The following RRP12 variants were observed in gnomAD, a reference collection of about 807,000 sequenced individuals.
The protein encoded by RRP12 is ribosomal RNA processing 12 homolog.
A neutral mutation model predicts 157.3 loss-of-function variants in RRP12; 78 were observed. That is an observed-to-expected ratio of 0.50 (90% CI 0.41 to 0.60). The LOEUF (loss-of-function observed/expected upper bound fraction) is 0.60. Ranked by LOEUF, RRP12 falls within the 20% of genes least tolerant of loss-of-function variation. The pLI, the probability that RRP12 is intolerant of heterozygous loss-of-function variation, is 0.00. For synonymous variants in RRP12, 726 were observed against 670.9 expected, an observed-to-expected ratio of 1.08 and a Z score of -1.27; for missense variants, 1,521 against 1,679.9, an observed-to-expected ratio of 0.91 and a Z score of 1.65.
At position 97,390,732 on chromosome 10, in the gene RRP12, C is replaced by T; in HGVS notation, c.636+7G>A. ...GCCAGATGAGAAACTAAACCCCAGA[C>T]ACTAACCCATCGGAGGACAGAGGTG... On this transcript the variant is annotated splice_region_variant and intron_variant, in intron 5 of 33. Transcript: ENST00000370992. 1 of 1,593,696 alleles carries T rather than the reference C, an allele frequency of 6.3e-7. No individual in the cohort carries two copies. The highest frequency in any genetic ancestry group is 1.7e-4 in the Middle Eastern group (1 of 6,026).
intron 10 of RRP12, among the ~76,000 whole-genome samples, chr10:97,384,151 C>G (rs1164013986): frequency 6.6e-6 from 1 of 151,288 alleles, no homozygotes; most frequent in African/African-American, 2.4e-5. Context: ...CACCCCCAAC[C>G]TCAGCAGCCA....
chr10:97,379,566 T>C, intron 14 of RRP12, 62 bp downstream of exon 14: 1 of 1,601,120 alleles, frequency 6.2e-7, no homozygotes. Context: ...GCAGCAGACA[T>C]CCTTTCCAGG....
At chr10:97,397,234 A>G (rs1205887906) in intron 2 of RRP12, among the ~76,000 whole-genome samples, 1 of 151,342 alleles carries the variant, frequency 6.6e-6, no homozygotes, top group Non-Finnish European at 1.5e-5. Flanking sequence ...ACTCTCTGCT[A>G]ACCGCAGCTT....
chr10:97,393,280 T>C (rs1844859606), intron 4 of RRP12: 1 of 448,380 alleles, frequency 2.2e-6, no homozygotes, highest in Non-Finnish European at 4.5e-6. Context: ...GATTCTGTCA[T>C]GAACACACTG....
rs1843968122 is a variant in RRP12 at position 97,366,090 on chromosome 10, C to A, written c.3517+18G>T. On this transcript the variant is annotated intron_variant, in intron 29 of 33. Coordinates refer to ENST00000370992, the MANE Select transcript of RRP12 (RefSeq NM_015179.4). The stretch of plus-strand genomic sequence containing the variant: ...TAAGTGAACACGGTGAATGAATGGA[C>A]AAGCGCGTTGGGCCCACCTTTGGCA... The A allele has an allele frequency of 1.2e-6, 2 of 1,600,728 alleles. No individual in the cohort carries two copies. Among genetic ancestry groups the A allele is most frequent in the Admixed American group, 1.7e-5 (1 of 59,830 alleles).
intron 15 of RRP12, among the ~76,000 whole-genome samples, chr10:97,375,029 T>G (rs1000269205): frequency 6.6e-6 from 1 of 152,116 alleles, no homozygotes; most frequent in African/African-American, 2.4e-5. Flanking sequence ...ATATAAACCG[T>G]GTCTGTTCGA....
chr10:97,387,683 G>A (rs1844673593), intron 8 of RRP12, among the ~76,000 whole-genome samples: 1 of 151,682 alleles, frequency 6.6e-6, no homozygotes, highest in Admixed American at 6.6e-5. Context: ...GCTCACGCCT[G>A]TAATCCCAGA....
At chr10:97,361,587 G>A (rs1843842535) in intron 30 of RRP12, among the ~76,000 whole-genome samples, 1 of 152,218 alleles carries the variant, frequency 6.6e-6, no homozygotes, top group Admixed American at 6.5e-5. Flanking sequence ...CACAGGGTGT[G>A]CCTGGGAGAC....
chr10:97,399,271 C>T (rs192136656), intron 2 of RRP12, among the ~76,000 whole-genome samples: 1 of 152,168 alleles, frequency 6.6e-6, no homozygotes, highest in Non-Finnish European at 1.5e-5. Flanking sequence ...GAAACTCCGG[C>T]TCCAGAAAAA....
intron 33 of RRP12, 103 bp from the exon 34 acceptor site, chr10:97,357,299 G>A (rs1843736444): frequency 1.5e-6 from 1 of 682,782 alleles, no homozygotes. Context: ...GGATGAGAAG[G>A]GGGCCTCCAG....
At chr10:97,381,513 C>A (rs777477843) in intron 11 of RRP12, 30 bp from the exon 12 acceptor site, 3 of 1,546,736 alleles carry the variant, frequency 1.9e-6, no homozygotes, top group South Asian at 2.4e-5. Context: ...GCTTTCTGGG[C>A]CCAAGGCAGC....
Position 97,373,317 on chromosome 10 carries a change from T to C in RRP12, c.2027-117A>G, listed in dbSNP as rs891617494. On this transcript the variant is annotated intron_variant, in intron 17 of 33. Transcript: ENST00000370992. ...GGGAGCTGGCAGGACTTGGAATCCA[T>C]GGGTTTGGGGCTCTCTGTGGCAGAA... The C allele has an allele frequency of 2.0e-5, 23 of 1,167,426 alleles. 1 individual carries two copies. The highest frequency in any genetic ancestry group is 7.5e-5 in the Admixed American group (3 of 40,124). The allele number at this position is 1,167,426 out of a possible 1,614,324, so 72.3% of individuals were successfully genotyped here.
intron 30 of RRP12, among the ~76,000 whole-genome samples, chr10:97,361,276 T>C (rs1031416763): frequency 1.3e-5 from 2 of 152,210 alleles, no homozygotes; most frequent in African/African-American, 2.4e-5. Context: ...CCTGGCACTG[T>C]GTTAGGCAGT....
chr10:97,373,408 G>A (rs964954369), intron 17 of RRP12, among the ~76,000 whole-genome samples, 167 bp downstream of exon 17: 2 of 152,184 alleles, frequency 1.3e-5, no homozygotes, highest in Admixed American at 1.3e-4. Context: ...TCCAACCCCA[G>A]GGAGCCAGCA....
chr10:97,367,004 C>A (rs776327722), intron 26 of RRP12, 37 bp downstream of exon 26: 2 of 1,611,792 alleles, frequency 1.2e-6, no homozygotes, highest in Non-Finnish European at 1.7e-6. Flanking sequence ...CTCGGCCCCT[C>A]GCTTGCCCTA....
chr10:97,364,238 G>A (rs533691293), intron 29 of RRP12, among the ~76,000 whole-genome samples: 1 of 152,294 alleles, frequency 6.6e-6, no homozygotes, highest in South Asian at 2.1e-4. Flanking sequence ...AGGTTTCCGG[G>A]GGAGTCAGGC....
intron 18 of RRP12, 52 bp from the exon 19 acceptor site, chr10:97,372,855 G>A (rs1055206383): frequency 2.6e-6 from 4 of 1,527,716 alleles, no homozygotes; most frequent in Non-Finnish European, 3.6e-6. Flanking sequence ...AGGAGCGAAA[G>A]AAAGCAGCAA....
rs1844773124 is a variant in RRP12 at position 97,390,519 on chromosome 10, G to A, written c.657C>T (p.Thr219=). Residue 219 remains threonine (T), a synonymous_variant, in exon 6 of 34, where the codon ACC becomes ACT. Coordinates refer to ENST00000370992, the MANE Select transcript of RRP12 (RefSeq NM_015179.4). Reference sequence around the variant, plus strand: ...CCTCCAGGTCTTGCTTCCGCAGAAGGGTGGCCAGGCAGGAAAGGACCTGGA... The same window carrying A: ...CCTCCAGGTCTTGCTTCCGCAGAAGAGTGGCCAGGCAGGAAAGGACCTGGA... ...VLRWVLSCLA[T]LLRKQDLEAW... is the part of the protein sequence containing the mutation. The A allele has an allele frequency of 1.2e-6, 2 of 1,613,814 alleles. No individual in the cohort carries two copies. The highest frequency in any genetic ancestry group is 1.7e-6 in the Non-Finnish European group (2 of 1,179,798).
Position 97,396,239 on chromosome 10 carries a change from C to T in RRP12, c.432G>A (p.Glu144=). Residue 144 remains glutamate (E), a synonymous_variant, in exon 3 of 34, where the codon GAG becomes GAA. Transcript: ENST00000370992. ...VIRSQGGKET[E]TEYFAALMTT... ...TCACCAGAGCAGCGAAGTACTCAGT[C>T]TCCGTCTCCTTCCCTCCCTGGGAGC... 6.2e-7 allele frequency: 1 copy of T among 1,613,342 alleles called. No individual in the cohort carries two copies. Among genetic ancestry groups the T allele is most frequent in the Non-Finnish European group, 8.5e-7 (1 of 1,179,338 alleles).
Sources: allele counts gnomAD v4.1 joint callset (sites outside exome capture counted in the v4.1 genomes callset), GRCh38; gene constraint gnomAD v4.1.1; transcripts MANE v1.5; gene names NCBI Gene and HGNC (gene_info 2026-07-23, HGNC 2026-07-21).